VDAC2: variants seen among roughly 807,000 people sequenced by gnomAD.
VDAC2 encodes the protein non-selective voltage-gated ion channel VDAC2.
Under a neutral mutation model 36.6 loss-of-function variants are expected in VDAC2, and 6 were observed. The ratio of observed to expected loss-of-function variants is 0.16; its 90% CI spans 0.09 to 0.32. VDAC2 has a LOEUF of 0.32. Among genes scored for constraint, VDAC2 ranks in the 10% least tolerant of loss-of-function variants. The pLI is 1.00. For missense variants in VDAC2, 247 were observed against 346.0 expected, an observed-to-expected ratio of 0.71 and a Z score of 2.27; for synonymous variants, 109 against 123.8, an observed-to-expected ratio of 0.88 and a Z score of 0.79.
chr10:75,214,851 T>C (rs1841549050), intron 4 of VDAC2, among the ~76,000 whole-genome samples: 1 of 151,184 alleles, frequency 6.6e-6, no homozygotes. Flanking sequence ...AGGTTAATAT[T>C]TTGGTATTTG....
intron 1 of VDAC2, 54 bp downstream of exon 1, chr10:75,210,992 G>C (rs987713234): frequency 5.3e-6 from 4 of 755,232 alleles, no homozygotes; most frequent in Middle Eastern, 5.2e-4. Flanking sequence ...CGGCGGCCAA[G>C]CCGGAGGCCC....
chr10:75,215,723 T>G (rs1841583052), intron 4 of VDAC2, among the ~76,000 whole-genome samples: 1 of 147,196 alleles, frequency 6.8e-6, no homozygotes, highest in Non-Finnish European at 1.5e-5. Context: ...TTTGTTTTGT[T>G]TTTTTTTTTT....
intron 8 of VDAC2, among the ~76,000 whole-genome samples, chr10:75,225,503 A>G (rs918738489): frequency 2.6e-5 from 4 of 152,322 alleles, no homozygotes; most frequent in East Asian, 3.9e-4. Flanking sequence ...AATAACATTG[A>G]TTAGTGATTG....
At position 75,220,114 on chromosome 10, in the gene VDAC2, C is replaced by T. The variant is rs369649149; in HGVS notation, c.357-629C>T. Among the ~76,000 whole-genome samples the T allele has an allele frequency of 6.6e-5, 10 of 150,756 alleles. No homozygotes were observed. The East Asian group carries it at 1.4e-3, about 21-fold the overall frequency. The stretch of plus-strand genomic sequence containing the variant: ...GTGCTGGGATTACAGGTGTGAGCCA[C>T]CGCTCGCAGCCTGTTTGTTTATTCT... On this transcript the variant is annotated intron_variant, in intron 6 of 9. Transcript: ENST00000332211.
At chr10:75,213,067 G>T (rs561117641) in intron 3 of VDAC2, among the ~76,000 whole-genome samples, 1 of 152,102 alleles carries the variant, frequency 6.6e-6, no homozygotes, top group East Asian at 1.9e-4. Flanking sequence ...TCTGTATTAT[G>T]ATAAGTTGGT....
At chr10:75,214,691 A>G (rs1455559890) in intron 4 of VDAC2, among the ~76,000 whole-genome samples, 1 of 152,024 alleles carries the variant, frequency 6.6e-6, no homozygotes, top group Non-Finnish European at 1.5e-5. Flanking sequence ...CGCCTGACTG[A>G]TTTTTGTATT....
chr10:75,227,314 C>G (rs1841981429), intron 8 of VDAC2, among the ~76,000 whole-genome samples: 1 of 152,136 alleles, frequency 6.6e-6, no homozygotes, highest in Non-Finnish European at 1.5e-5. Flanking sequence ...GAACCTGGAG[C>G]TTTCAGTTAG....
At chr10:75,229,909 T>A (rs1475199639) in intron 9 of VDAC2, among the ~76,000 whole-genome samples, 1 of 151,914 alleles carries the variant, frequency 6.6e-6, no homozygotes, top group Non-Finnish European at 1.5e-5. Flanking sequence ...ACACTTCTCT[T>A]CAGAATAAGG....
intron 2 of VDAC2, 106 bp from the exon 3 acceptor site, chr10:75,212,124 A>G: frequency 2.0e-6 from 2 of 1,010,522 alleles, no homozygotes; most frequent in Non-Finnish European, 1.5e-6. Context: ...CATTCCAACA[A>G]ATGGGATTGC....
rs1330488201 is a variant in VDAC2 at position 75,222,169 on chromosome 10, AAATGT to A, written c.585-78_585-74del. 11 of 1,403,602 alleles carry A rather than the reference AAATGT, an allele frequency of 7.8e-6. No individual in the cohort carries two copies. In the East Asian group the frequency reaches 2.6e-4, roughly 33 times the overall value. The allele number at this position is 1,403,602 out of a possible 1,614,324, so 86.9% of individuals were successfully genotyped here. The stretch of plus-strand genomic sequence containing the variant: ...CCACTTGAGCTGTGGTTTTTTATTT[AAATGT>A]AATGCTACAAATCAGCCTGTGCCTT... On this transcript the variant is annotated intron_variant, in intron 7 of 9. Transcript: ENST00000332211.
In VDAC2 at chr10:75,220,724, C is replaced by T. The variant is rs763066032; in HGVS notation, c.357-19C>T. On this transcript the variant is annotated intron_variant, in intron 6 of 9. Coordinates refer to ENST00000332211, the MANE Select transcript of VDAC2 (RefSeq NM_001391963.1). ...GTGTGTAAATTTTTCCCAATGACATCAGTTTGTTCTTTTTCCAGAAAGAAA... is the reference window on the plus strand; with the variant it reads ...GTGTGTAAATTTTTCCCAATGACATTAGTTTGTTCTTTTTCCAGAAAGAAA... 2 of 1,596,470 alleles carry T rather than the reference C, an allele frequency of 1.3e-6. No individual in the cohort carries two copies. Among genetic ancestry groups the T allele is most frequent in the Admixed American group, 1.7e-5 (1 of 58,752 alleles).
chr10:75,211,098 G>A (rs2132247485), intron 1 of VDAC2, 36 bp from the exon 2 acceptor site: 1 of 1,577,860 alleles, frequency 6.3e-7, no homozygotes, highest in Non-Finnish European at 8.6e-7. Context: ...TTGGCCCTTT[G>A]ACCCCAGCTT....
chr10:75,213,605 G>C (rs550698615), intron 3 of VDAC2, among the ~76,000 whole-genome samples: 1 of 152,108 alleles, frequency 6.6e-6, no homozygotes, highest in Admixed American at 6.5e-5. Flanking sequence ...TTAGCCAGGC[G>C]TGGTGGCACG....
At chr10:75,220,037 A>G (rs532697238) in intron 6 of VDAC2, among the ~76,000 whole-genome samples, 1 of 151,116 alleles carries the variant, frequency 6.6e-6, no homozygotes. Flanking sequence ...CGTGTTGATC[A>G]GGCTGGTCTT....
intron 4 of VDAC2, among the ~76,000 whole-genome samples, chr10:75,217,470 C>T (rs772513798): frequency 6.6e-6 from 1 of 152,158 alleles, no homozygotes; most frequent in Non-Finnish European, 1.5e-5. Context: ...CTCAGGTTCT[C>T]AGGTTCAAGT....
At position 75,230,995 on chromosome 10, in the gene VDAC2, C is replaced by T; in HGVS notation, c.*6C>T. 1 of 1,604,190 alleles carries T rather than the reference C, an allele frequency of 6.2e-7. No homozygotes were observed. Among genetic ancestry groups the T allele is most frequent in the African/African-American group, 1.3e-5 (1 of 74,726 alleles). On this transcript the variant is annotated 3_prime_UTR_variant, in exon 10 of 10. Transcript: ENST00000332211. ...CCCTGGAGTTGGAGGCTTAATCCAG[C>T]TGAAAGAAACCTTTGGGAATGGATA...
intron 8 of VDAC2, among the ~76,000 whole-genome samples, chr10:75,225,582 A>C (rs1006906844): frequency 1.3e-5 from 2 of 152,234 alleles, no homozygotes; most frequent in East Asian, 3.8e-4. Context: ...CACATTGTGC[A>C]GTAACACTTT....
Position 75,231,089 on chromosome 10 carries a change from T to A in VDAC2, c.*100T>A, listed in dbSNP as rs565733559. On this transcript the variant is annotated 3_prime_UTR_variant, in exon 10 of 10. Transcript: ENST00000332211. ...AGGCTTTTTTCCCCCAAGAAGATGATCAAAACAAAGGATGATCTCAACAAG... is the reference window on the plus strand; with the variant it reads ...AGGCTTTTTTCCCCCAAGAAGATGAACAAAACAAAGGATGATCTCAACAAG... The A allele has an allele frequency of 1.2e-6, 1 of 825,224 alleles. No homozygotes were observed. The highest frequency in any genetic ancestry group is 1.9e-6 in the Non-Finnish European group (1 of 518,908). 51.1% of individuals were successfully genotyped at this position (825,224 alleles called of 1,614,324 possible). A position where few individuals can be genotyped will look rare whatever the true frequency, so the allele number is the denominator to read the frequency against.
intron 8 of VDAC2, among the ~76,000 whole-genome samples, chr10:75,224,869 G>A (rs1190639786): frequency 1.3e-5 from 2 of 152,178 alleles, no homozygotes; most frequent in Non-Finnish European, 2.9e-5. Flanking sequence ...AATGTGATCT[G>A]AAATTGCCTG....
Sources: gnomAD v4.1 joint callset for allele counts (sites outside exome capture counted in the v4.1 genomes callset) on GRCh38, gnomAD v4.1.1 for gene constraint, MANE v1.5 for transcripts, NCBI Gene and HGNC (gene_info 2026-07-23, HGNC 2026-07-21) for gene names.